Variants in NPTXR observed in about 807,000 individuals in gnomAD.
NPTXR encodes the protein neuronal pentraxin receptor.
Under a neutral mutation model 32.2 loss-of-function variants are expected in NPTXR, and 12 were observed. The ratio of observed to expected loss-of-function variants is 0.37; its 90% confidence interval spans 0.24 to 0.60. NPTXR has a LOEUF of 0.60. Ranked by LOEUF, NPTXR falls within the 20% of genes least tolerant of loss-of-function variation. The probability of loss-of-function intolerance (pLI) is 0.66; values close to 1 mark genes in which losing one functional copy is unlikely to be tolerated. For missense variants in NPTXR, 612 were observed against 682.9 expected (o/e 0.90, Z 1.16); for synonymous variants, 323 against 315.8 (o/e 1.02, Z -0.24).
rs1458827800 is a variant in NPTXR at position 38,822,598 on chromosome 22, G to A, written c.*11C>T. The A allele has an allele frequency of 6.3e-7, 1 of 1,593,546 alleles. No individual in the cohort carries two copies. Among genetic ancestry groups the A allele is most frequent in the Non-Finnish European group, 8.5e-7 (1 of 1,170,982 alleles). ...GGCAGGCAAGGGAGGGGCCCTGGAT[G>A]AGGTGGCCCCTCATGCCTTGGCCCT... is the stretch of plus-strand genomic sequence containing the variant. On this transcript the variant is annotated 3_prime_UTR_variant, in exon 5 of 5. Transcript: ENST00000333039.
chr22:38,837,183 G>A (rs2093125227), intron 1 of NPTXR, among the ~76,000 whole-genome samples: 2 of 152,202 alleles, frequency 1.3e-5, no homozygotes, highest in Admixed American at 1.3e-4. Context: ...CTTGCCTGAG[G>A]TCACAGAACT....
rs915978186 is a variant in NPTXR at position 38,834,402 on chromosome 22, C to T, written c.625-5890G>A. ...TCAACTGCCCCAAACTCCTTCTCACCCTAAGGCCTCCACACATGCTGTTCC... is the reference window on the plus strand; with the variant it reads ...TCAACTGCCCCAAACTCCTTCTCACTCTAAGGCCTCCACACATGCTGTTCC... On this transcript the variant is annotated intron_variant, in intron 1 of 4. Transcript: ENST00000333039. The surrounding 1 kb of genome is among the most constrained non-coding windows in gnomAD (Gnocchi z 4.4). Among the ~76,000 whole-genome samples the T allele has an allele frequency of 2.0e-5, 3 of 152,202 alleles. No homozygotes were observed. The highest frequency in any genetic ancestry group is 2.0e-4 in the Admixed American group (3 of 15,280).
intron 1 of NPTXR, among the ~76,000 whole-genome samples, chr22:38,838,573 A>ACTTTTTTTTT (rs200891254): frequency 1.2e-5 from 1 of 83,190 alleles, no homozygotes; most frequent in Non-Finnish European, 2.2e-5. Context: ...TCACCTGGCT[A>ACTTTTTTTTT]TTTTTTTTTT....
intron 1 of NPTXR, among the ~76,000 whole-genome samples, chr22:38,840,804 G>A (rs909077408): frequency 4.6e-5 from 7 of 152,052 alleles, no homozygotes; most frequent in Admixed American, 6.5e-5. Flanking sequence ...GGGCCAAGAC[G>A]GGCACATGCC....
chr22:38,836,146 G>A (rs569855077), intron 1 of NPTXR, among the ~76,000 whole-genome samples: 2 of 152,250 alleles, frequency 1.3e-5, no homozygotes, highest in African/African-American at 4.8e-5. Flanking sequence ...ACCATACCGA[G>A]TTTGGCGAGG....
At chr22:38,827,925 T>G (rs1317630806) in intron 2 of NPTXR, among the ~76,000 whole-genome samples, 2 of 152,172 alleles carry the variant, frequency 1.3e-5, no homozygotes, top group African/African-American at 2.4e-5. Context: ...AATGTATGGT[T>G]GTGGAGTCAG....
rs2093098837 is a variant in NPTXR, at chr22:38,822,265, CT to C, written c.*343del. The C allele has an allele frequency of 1.2e-5, 4 of 321,874 alleles. No homozygotes were observed. The South Asian group carries it at 1.3e-4, about 11-fold the overall frequency. The allele number at this position is 321,874 out of a possible 1,614,324, so 19.9% of individuals were successfully genotyped here. On this transcript the variant is annotated 3_prime_UTR_variant, in exon 5 of 5. Coordinates refer to ENST00000333039, the MANE Select transcript of NPTXR (RefSeq NM_014293.4). The stretch of plus-strand genomic sequence containing the variant: ...CCACCACTGAGATAGTGGGGTCCCC[CT>C]CATACACAATCCTACCCTACTGGGG...
chr22:38,823,281 A>C lies in NPTXR; in HGVS notation c.1099-19T>G. 6.2e-7 allele frequency: 1 copy of C among 1,605,878 alleles called. No homozygotes were observed. Among genetic ancestry groups the C allele is most frequent in the Non-Finnish European group, 8.5e-7 (1 of 1,179,316 alleles). Reference sequence around the variant, plus strand: ...GGGCCACCTGGACACAGGTCCCCCAACCCCAGGTCAGAGGTGCCCCAAGGC... The same window carrying C: ...GGGCCACCTGGACACAGGTCCCCCACCCCCAGGTCAGAGGTGCCCCAAGGC... On this transcript the variant is annotated intron_variant, in intron 3 of 4. Coordinates refer to ENST00000333039, the MANE Select transcript of NPTXR (RefSeq NM_014293.4).
chr22:38,841,960 T>A (rs941794575), intron 1 of NPTXR, among the ~76,000 whole-genome samples: 2 of 152,204 alleles, frequency 1.3e-5, no homozygotes, highest in Non-Finnish European at 2.9e-5. Flanking sequence ...AGGACGTTTC[T>A]GAGCTGAGTT....
Position 38,843,615 on chromosome 22 carries a change from C to T in NPTXR, c.244G>A (p.Ala82Thr). The change falls in exon 1 of 5, where the codon GCG (alanine) becomes ACG (threonine). Residue 82 changes from alanine to threonine, a missense_variant. Transcript: ENST00000333039. The surrounding 1 kb of genome is among the most constrained non-coding windows in gnomAD (Gnocchi z 5.3). ...AGGGGCCCGGGCGGCAGCGGGTGCGCGCTGGCCGCGGGTGCCCCGGGCAGC... is the reference window on the plus strand; with the variant it reads ...AGGGGCCCGGGCGGCAGCGGGTGCGTGCTGGCCGCGGGTGCCCCGGGCAGC... The T allele has an allele frequency of 8.6e-7, 1 of 1,159,966 alleles. No individual in the cohort carries two copies. The highest frequency in any genetic ancestry group is 1.1e-6 in the Non-Finnish European group (1 of 943,142). The allele number at this position is 1,159,966 out of a possible 1,614,324, so 71.9% of individuals were successfully genotyped here.
Position 38,834,593 on chromosome 22 carries a change from C to CCATGCAT in NPTXR, c.625-6082_625-6081insATGCATG, listed in dbSNP as rs1272070173. ...GCAGAGCACTCATCCATCCATCCAT[C>CCATGCAT]CATCCATCATCCATCCATCCATCCA... On this transcript the variant is annotated intron_variant, in intron 1 of 4. Coordinates refer to ENST00000333039, the MANE Select transcript of NPTXR (RefSeq NM_014293.4). The surrounding 1 kb of genome is among the most constrained non-coding windows in gnomAD (Gnocchi z 4.4). Among the ~76,000 whole-genome samples, 2 of 128,306 alleles carry CCATGCAT rather than the reference C, an allele frequency of 1.6e-5. No individual in the cohort carries two copies. Among genetic ancestry groups the CCATGCAT allele is most frequent in the Non-Finnish European group, 3.3e-5 (2 of 59,956 alleles). The allele number at this position is 128,306 out of a possible 152,430, so 84.2% of individuals were successfully genotyped here.
At chr22:38,841,378 C>T (rs566296808) in intron 1 of NPTXR, among the ~76,000 whole-genome samples, 4 of 152,380 alleles carry the variant, frequency 2.6e-5, no homozygotes, top group Admixed American at 1.3e-4. Flanking sequence ...GCCAGGATCC[C>T]CCCAACCTCA....
chr22:38,820,792 C>T lies in NPTXR; in HGVS notation c.*1817G>A, dbSNP rs550616654. On this transcript the variant is annotated 3_prime_UTR_variant, in exon 5 of 5. Transcript: ENST00000333039. ...TCTAGTCCTGGCTCTGCCCCATGCT[C>T]TGTGATCCTGTGCAGGTCACGTGTC... is the stretch of plus-strand genomic sequence containing the variant. 6.6e-6 allele frequency: 1 copy of T among 152,402 alleles called. No individual in the cohort carries two copies. Among genetic ancestry groups the T allele is most frequent in the South Asian group, 2.1e-4 (1 of 4,826 alleles). 9.4% of individuals were successfully genotyped at this position (152,402 alleles called of 1,614,324 possible).
Position 38,843,258 on chromosome 22 carries a change from G to T in NPTXR, c.601C>A (p.Arg201=), listed in dbSNP as rs1354111793. The T allele has an allele frequency of 7.0e-7, 1 of 1,419,928 alleles. No individual in the cohort carries two copies. Among genetic ancestry groups the T allele is most frequent in the South Asian group, 1.4e-5 (1 of 69,582 alleles). 88.0% of individuals were successfully genotyped at this position (1,419,928 alleles called of 1,614,324 possible). Residue 201 remains arginine (R), a synonymous_variant, in exon 1 of 5, where the codon CGG becomes AGG. Coordinates refer to ENST00000333039, the MANE Select transcript of NPTXR (RefSeq NM_014293.4). This position sits in a 1 kb window ranked among gnomAD's most constrained non-coding sequence, Gnocchi z 5.3. ...ACCTCCAGGCGGTCGATGCGGTCCC[G>T]CAGGGCGCGCACGGCGTCCTCCAGC...
intron 2 of NPTXR, 103 bp downstream of exon 2, chr22:38,828,184 C>T (rs2093110338): frequency 3.4e-6 from 3 of 877,162 alleles, no homozygotes; most frequent in Admixed American, 1.9e-5. Context: ...TCCCCACCCT[C>T]CAGTCTGTCG....
At chr22:38,825,348 G>T (rs1429280916) in intron 3 of NPTXR, among the ~76,000 whole-genome samples, 1 of 152,114 alleles carries the variant, frequency 6.6e-6, no homozygotes, top group African/African-American at 2.4e-5. Context: ...TCCCCTCTCT[G>T]AGCCTCAGTT....
At chr22:38,832,083 T>C (rs1045808249) in intron 1 of NPTXR, among the ~76,000 whole-genome samples, 2 of 152,162 alleles carry the variant, frequency 1.3e-5, no homozygotes, top group African/African-American at 2.4e-5. Context: ...AAACAGACGC[T>C]GTTTGGAGGA....
At chr22:38,833,332 G>T (rs1281096611) in intron 1 of NPTXR, among the ~76,000 whole-genome samples, 5 of 152,200 alleles carry the variant, frequency 3.3e-5, no homozygotes, top group Non-Finnish European at 7.3e-5. Flanking sequence ...CTCACCAGGG[G>T]CAGACTGCAG....
chr22:38,819,228 C>G lies in NPTXR; in HGVS notation c.*3381G>C, dbSNP rs11704200. ...GAGAAGCAGCAATTTCCCTCCCCTT[C>G]CCTGCCCAGGACTCGGGAGATGCTC... On this transcript the variant is annotated 3_prime_UTR_variant, in exon 5 of 5. Transcript: ENST00000333039. 6.6e-6 allele frequency: 1 copy of G among 152,336 alleles called. No individual in the cohort carries two copies. The highest frequency in any genetic ancestry group is 1.5e-5 in the Non-Finnish European group (1 of 68,096). The allele number at this position is 152,336 out of a possible 1,614,324, so 9.4% of individuals were successfully genotyped here.
Sources: gnomAD v4.1 joint callset for allele counts (sites outside exome capture counted in the v4.1 genomes callset) on GRCh38, gnomAD v4.1.1 for gene constraint, Gnocchi (gnomAD v3.1) non-coding constraint, MANE v1.5 for transcripts, NCBI Gene and HGNC (gene_info 2026-07-23, HGNC 2026-07-21) for gene names.